BATF2: variants seen among roughly 807,000 people sequenced by gnomAD.
BATF2 encodes the protein basic leucine zipper ATF-like transcription factor 2.
A neutral mutation model predicts 7.3 loss-of-function variants in BATF2; 4 were observed. The ratio of observed to expected loss-of-function variants is 0.55; its 90% CI spans 0.27 to 1.26. The LOEUF (loss-of-function observed/expected upper bound fraction) is 1.26. Ranked by LOEUF, BATF2 falls within the 50% of genes most tolerant of loss-of-function variation. BATF2 has a pLI of 0.11. For synonymous variants in BATF2, 152 were observed against 153.9 expected (o/e 0.99, Z 0.09); for missense variants, 295 against 340.5 (o/e 0.87, Z 1.05).
Position 64,989,630 on chromosome 11 carries a change from GCCCAGGAGCCCCTCAGCCTGGT to G in BATF2, c.302_323del (p.Asp101AlafsTer202). Reference sequence around the variant, plus strand: ...AGCCATGTTGTCCCTGTGGGCCAGGGCCCAGGAGCCCCTCAGCCTGGTCCCAGCAGCCCAGGAGCCCTGGAGC... The same window carrying G: ...AGCCATGTTGTCCCTGTGGGCCAGGGCCCAGCAGCCCAGGAGCCCTGGAGC... On this transcript the variant is annotated frameshift_variant, in exon 3 of 3. Transcript: ENST00000301887. LOFTEE classifies it low-confidence loss of function (END_TRUNC). The surrounding 1 kb of genome is among the most constrained non-coding windows in gnomAD (Gnocchi z 4.3). 6.2e-7 allele frequency: 1 copy of G among 1,611,744 alleles called. No homozygotes were observed. The highest frequency in any genetic ancestry group is 8.5e-7 in the Non-Finnish European group (1 of 1,179,192).
At position 64,994,540 on chromosome 11, in the gene BATF2, C is replaced by G. The variant is rs1168646408; in HGVS notation, c.49G>C (p.Glu17Gln). The change falls in exon 2 of 3, where the codon GAG (glutamate) becomes CAG (glutamine). Residue 17 changes from glutamate to glutamine, a missense_variant. Coordinates refer to ENST00000301887, the MANE Select transcript of BATF2 (RefSeq NM_138456.4). Reference protein sequence around the residue: ...NGLLTQTDPKEQQRQLKKQKN... With the variant: ...NGLLTQTDPKQQQRQLKKQKN... The stretch of plus-strand genomic sequence containing the variant: ...TGCTTCTTCAGCTGCCTTTGTTGCT[C>G]CTTGGGGTCCTGTGGGGCATGAGGC... 1 of 1,599,826 alleles carries G rather than the reference C, an allele frequency of 6.3e-7. No homozygotes were observed. Among genetic ancestry groups the G allele is most frequent in the East Asian group, 2.3e-5 (1 of 44,376 alleles).
At chr11:64,996,004 C>T (rs1946106983) in intron 1 of BATF2, among the ~76,000 whole-genome samples, 2 of 152,134 alleles carry the variant, frequency 1.3e-5, no homozygotes, top group Admixed American at 6.6e-5. Context: ...GTCGCCCAGG[C>T]TGGAGTGCAG....
Position 64,989,574 on chromosome 11 carries a change from G to A in BATF2, c.380C>T (p.Pro127Leu), listed in dbSNP as rs761872105. The A allele has an allele frequency of 3.3e-5, 53 of 1,592,256 alleles. 1 individual carries two copies. Among genetic ancestry groups the A allele is most frequent in the South Asian group, 1.9e-4 (17 of 89,302 alleles). The change falls in exon 3 of 3, where the codon CCG (proline) becomes CTG (leucine). Residue 127 changes from proline (P) to leucine (L), a missense_variant. Physicochemically the swap from Pro to Leu is moderately conservative, Grantham distance 98 (BLOSUM62 -3). Coordinates refer to ENST00000301887, the MANE Select transcript of BATF2 (RefSeq NM_138456.4). The surrounding 1 kb of genome is among the most constrained non-coding windows in gnomAD (Gnocchi z 4.3). ...CREQLELFQT[P>L]GSCYPAQPLS... The stretch of plus-strand genomic sequence containing the variant: ...CGGCTGAGCTGGGTAACAGGAACCC[G>A]GGGTCTGGAACAGCTCCAGCTGCTC...
intron 2 of BATF2, among the ~76,000 whole-genome samples, chr11:64,993,633 C>A (rs116464974): frequency 3.9e-5 from 6 of 152,290 alleles, no homozygotes; most frequent in African/African-American, 1.2e-4. Flanking sequence ...CAACTTGCAA[C>A]TGGGACTGGA....
At chr11:64,996,018 C>T (rs1242553418) in intron 1 of BATF2, among the ~76,000 whole-genome samples, 3 of 151,968 alleles carry the variant, frequency 2.0e-5, no homozygotes, top group Non-Finnish European at 2.9e-5. Flanking sequence ...AGTGCAGTGG[C>T]GTGATCTTGG....
chr11:64,990,065 A>T (rs1226915398), intron 2 of BATF2: 2 of 1,536,410 alleles, frequency 1.3e-6, no homozygotes, highest in Admixed American at 2.0e-5. Flanking sequence ...AGCCGGTGCC[A>T]TTTCTCACCT....
chr11:64,989,804 C>T lies in BATF2; in HGVS notation c.150G>A (p.Glu50=). Residue 50 remains glutamate, a synonymous_variant, in exon 3 of 3, where the codon GAG becomes GAA. Coordinates refer to ENST00000301887, the MANE Select transcript of BATF2 (RefSeq NM_138456.4). The surrounding 1 kb of genome is among the most constrained non-coding windows in gnomAD (Gnocchi z 4.3). Reference sequence around the variant, plus strand: ...GGGCGAGGTTGTCTTTTTCCAGAGACTCGTGCTGCTGCAGAGAAGCAGATG... The same window carrying T: ...GGGCGAGGTTGTCTTTTTCCAGAGATTCGTGCTGCTGCAGAGAAGCAGATG... ...DKADALHQQH[E]SLEKDNLALR... 6.2e-7 allele frequency: 1 copy of T among 1,613,694 alleles called. No individual in the cohort carries two copies. The highest frequency in any genetic ancestry group is 8.5e-7 in the Non-Finnish European group (1 of 1,179,976).
chr11:64,996,858 C>G lies in BATF2; in HGVS notation c.39+18G>C, dbSNP rs1295451913. 1 of 1,612,126 alleles carries G rather than the reference C, an allele frequency of 6.2e-7. No individual in the cohort carries two copies. The highest frequency in any genetic ancestry group is 1.3e-5 in the African/African-American group (1 of 74,964). ...CAGCTCCCCTTCTCATCCCCGATCC[C>G]CAATCCCCTGTACTCACTGTCTGGG... On this transcript the variant is annotated intron_variant, in intron 1 of 2. Coordinates refer to ENST00000301887, the MANE Select transcript of BATF2 (RefSeq NM_138456.4).
chr11:64,990,682 G>T, intron 2 of BATF2: 1 of 923,956 alleles, frequency 1.1e-6, no homozygotes, highest in Non-Finnish European at 1.3e-6. Context: ...CATCTCACAG[G>T]GCTGAATAAA....
At chr11:64,992,254 TG>T (rs1300662908) in intron 2 of BATF2, among the ~76,000 whole-genome samples, 1 of 151,972 alleles carries the variant, frequency 6.6e-6, no homozygotes, top group Non-Finnish European at 1.5e-5. Flanking sequence ...TTAGTAGAGA[TG>T]GGGTTTTACC....
Position 64,989,283 on chromosome 11 carries a change from T to G in BATF2, c.671A>C (p.Asp224Ala). The stretch of plus-strand genomic sequence containing the variant: ...AAGCCCCAGGGCAGAGGAAGGGTTG[T>G]CGGGAGAGGACCCCAGCTTCCCTCT... ...PTRGKLGSSP[D>A]NPSSALGLAR... is the part of the protein sequence containing the mutation. The change falls in exon 3 of 3, where the codon GAC (aspartate) becomes GCC (alanine). Residue 224 changes from aspartate to alanine, a missense_variant. Asp to Ala is a moderately radical substitution (Grantham distance 126). Transcript: ENST00000301887. This position sits in a 1 kb window ranked among gnomAD's most constrained non-coding sequence, Gnocchi z 4.3. 2 of 1,597,842 alleles carry G rather than the reference T, an allele frequency of 1.3e-6. No individual in the cohort carries two copies. Among genetic ancestry groups the G allele is most frequent in the African/African-American group, 2.7e-5 (2 of 74,620 alleles).
Position 64,989,790 on chromosome 11 carries a change from T to A in BATF2, c.164A>T (p.Asp55Val), listed in dbSNP as rs748501681. 6 of 1,613,760 alleles carry A rather than the reference T, an allele frequency of 3.7e-6. No individual in the cohort carries two copies. In the African/African-American group the frequency reaches 8.0e-5, roughly 22 times the overall value. The change falls in exon 3 of 3, where the codon GAC (aspartate) becomes GTC (valine). Residue 55 changes from aspartate to valine, a missense_variant. Physicochemically the swap from Asp to Val is radical, Grantham distance 152 (BLOSUM62 -3). Transcript: ENST00000301887. The surrounding 1 kb of genome is among the most constrained non-coding windows in gnomAD (Gnocchi z 4.3). Reference sequence around the variant, plus strand: ...GATCTCCTTCCGCAGGGCGAGGTTGTCTTTTTCCAGAGACTCGTGCTGCTG... The same window carrying A: ...GATCTCCTTCCGCAGGGCGAGGTTGACTTTTTCCAGAGACTCGTGCTGCTG... ...LHQQHESLEK[D>V]NLALRKEIQS...
intron 2 of BATF2, among the ~76,000 whole-genome samples, chr11:64,991,580 A>G (rs1233714784): frequency 6.6e-6 from 1 of 152,222 alleles, no homozygotes; most frequent in Admixed American, 6.5e-5. Flanking sequence ...TGCCACCTTC[A>G]GGAGGCTCAA....
rs377505280 is a variant in BATF2, at chr11:64,989,253, C to T, written c.701G>A (p.Arg234His). Residue 234 changes from arginine to histidine, a missense_variant, in exon 3 of 3, where the codon CGT becomes CAT. By Grantham distance (29) the Arg-to-His change is conservative. Transcript: ENST00000301887. This position sits in a 1 kb window ranked among gnomAD's most constrained non-coding sequence, Gnocchi z 4.3. ...DNPSSALGLA[R>H]LQSREHKPAL... ...AGGTTTGTGCTCCCTGCTCTGCAGA[C>T]GTGCAAGCCCCAGGGCAGAGGAAGG... 185 of 1,612,230 alleles carry T rather than the reference C, an allele frequency of 1.1e-4. No homozygotes were observed. In the South Asian group the frequency reaches 1.5e-3, roughly 13 times the overall value.
intron 2 of BATF2, among the ~76,000 whole-genome samples, chr11:64,992,012 C>A (rs1420452665): frequency 6.6e-6 from 1 of 152,094 alleles, no homozygotes; most frequent in Non-Finnish European, 1.5e-5. Flanking sequence ...TAAGCTCAGG[C>A]TTCATCGCCT....
chr11:64,989,877 T>C lies in BATF2; in HGVS notation c.142-65A>G. 6.4e-7 allele frequency: 1 copy of C among 1,567,386 alleles called. No homozygotes were observed. Among genetic ancestry groups the C allele is most frequent in the Non-Finnish European group, 8.7e-7 (1 of 1,147,596 alleles). On this transcript the variant is annotated intron_variant, in intron 2 of 2. Coordinates refer to ENST00000301887, the MANE Select transcript of BATF2 (RefSeq NM_138456.4). The surrounding 1 kb of genome is among the most constrained non-coding windows in gnomAD (Gnocchi z 4.3). ...AGTGTCAGGGGCCCCGCATGAGCCT[T>C]AGCCCCTTCCAGGGTCCTCAACTTC...
rs776971090 is a variant in BATF2, at chr11:64,989,747, C to T, written c.207G>A (p.Glu69=). The change falls in exon 3 of 3, where the codon GAG becomes GAA. Residue 69 remains glutamate, a synonymous_variant. Coordinates refer to ENST00000301887, the MANE Select transcript of BATF2 (RefSeq NM_138456.4). This position sits in a 1 kb window ranked among gnomAD's most constrained non-coding sequence, Gnocchi z 4.3. ...LRKEIQSLQA[E]LAWWSRTLHV... ...GCAGGGTCCGGCTCCACCACGCCAG[C>T]TCGGCCTGCAGGGACTGGATCTCCT... 29 of 1,613,914 alleles carry T rather than the reference C, an allele frequency of 1.8e-5. No homozygotes were observed. The highest frequency in any genetic ancestry group is 2.5e-5 in the Non-Finnish European group (29 of 1,180,010).
In BATF2 at chr11:64,991,153, ATTTTT is replaced by A. The variant is rs986602706; in HGVS notation, c.142-1346_142-1342del. 4.3e-3 allele frequency among the ~76,000 whole-genome samples: 490 copies of A among 113,010 alleles called. 2 individuals carry two copies. Among genetic ancestry groups the A allele is most frequent in the African/African-American group, 0.015 (462 of 30,564 alleles). 74.1% of individuals were successfully genotyped at this position (113,010 alleles called of 152,430 possible). ...CTGGTTTCTACATGTGGAATGATGA[ATTTTT>A]TTTTTTTTTTTTTTTTGAGACAGAG... On this transcript the variant is annotated intron_variant, in intron 2 of 2. Transcript: ENST00000301887.
At chr11:64,992,786 T>G (rs1946086629) in intron 2 of BATF2, among the ~76,000 whole-genome samples, 1 of 151,288 alleles carries the variant, frequency 6.6e-6, no homozygotes, top group South Asian at 2.1e-4. Context: ...CGCTTGAGCC[T>G]GGGAAGCTGA....
Sources: gnomAD v4.1 joint callset for allele counts (sites outside exome capture counted in the v4.1 genomes callset) on GRCh38, gnomAD v4.1.1 for gene constraint, Gnocchi (gnomAD v3.1) non-coding constraint, MANE v1.5 for transcripts, NCBI Gene and HGNC (gene_info 2026-07-23, HGNC 2026-07-21) for gene names.